The following ADD1 variants were observed in gnomAD, a reference collection of about 807,000 sequenced individuals.
ADD1 encodes alpha-adducin.
A neutral mutation model predicts 80.5 loss-of-function variants in ADD1; 24 were observed. The ratio of observed to expected loss-of-function variants is 0.30; its 90% CI spans 0.22 to 0.42. The LOEUF (loss-of-function observed/expected upper bound fraction) is 0.42. Among genes scored for constraint, ADD1 ranks in the 10% least tolerant of loss-of-function variants. ADD1 has a pLI of 1.00. For missense variants in ADD1, 948 were observed against 1,019.0 expected (o/e 0.93, Z 0.95); for synonymous variants, 373 against 393.8 (o/e 0.95, Z 0.63).
chr4:2,857,352 C>CA (rs1196816228), intron 1 of ADD1, among the ~76,000 whole-genome samples: 1 of 152,184 alleles, frequency 6.6e-6, no homozygotes, highest in African/African-American at 2.4e-5. Context: ...CCTGCAGTCT[C>CA]AGAGTCCCAG....
At chr4:2,891,123 T>TA (rs199866380) in intron 4 of ADD1, among the ~76,000 whole-genome samples, 348 of 145,520 alleles carry the variant, frequency 2.4e-3, no homozygotes, top group African/African-American at 4.0e-3. Context: ...TGTCTCTATT[T>TA]TAAAAAAAAA....
chr4:2,885,853 G>T (rs529394934), intron 4 of ADD1, among the ~76,000 whole-genome samples: 6 of 151,988 alleles, frequency 3.9e-5, no homozygotes, highest in African/African-American at 9.7e-5. Flanking sequence ...CTTGTGATCC[G>T]CCCGCCTTGG....
Position 2,881,988 on chromosome 4 carries a change from G to C in ADD1, c.286G>C (p.Asp96His). The change falls in exon 3 of 16, where the codon GAT (aspartate) becomes CAT (histidine). Residue 96 changes from aspartate (D) to histidine (H), a missense_variant. Transcript: ENST00000683351. ...TGLLALQQIA[D>H]FMTTNVPNVY... is the part of the protein sequence containing the mutation. Reference sequence around the variant, plus strand: ...CCTATTGGCATTACAGCAGATTGCAGATTTTATGACCACGAATGTACCAAA... The same window carrying C: ...CCTATTGGCATTACAGCAGATTGCACATTTTATGACCACGAATGTACCAAA... 1 of 1,613,392 alleles carries C rather than the reference G, an allele frequency of 6.2e-7. No homozygotes were observed. Among genetic ancestry groups the C allele is most frequent in the South Asian group, 1.1e-5 (1 of 90,852 alleles).
chr4:2,890,479 T>C (rs1395655050), intron 4 of ADD1, among the ~76,000 whole-genome samples: 1 of 152,194 alleles, frequency 6.6e-6, no homozygotes, highest in East Asian at 1.9e-4. Flanking sequence ...CGATCTCTGC[T>C]CACTGCAAGC....
At chr4:2,921,072 G>T (rs1377647230) in intron 14 of ADD1, among the ~76,000 whole-genome samples, 4 of 152,102 alleles carry the variant, frequency 2.6e-5, no homozygotes, top group Non-Finnish European at 5.9e-5. Context: ...CTGTAAAGGA[G>T]TTTATTTCTC....
intron 1 of ADD1, among the ~76,000 whole-genome samples, chr4:2,873,139 C>T (rs1012529876): frequency 2.8e-4 from 43 of 151,988 alleles, no homozygotes; most frequent in African/African-American, 1.0e-3. Flanking sequence ...ATTACAGGTG[C>T]GTGCCCCCAC....
At chr4:2,880,111 T>C (rs1257251482) in intron 2 of ADD1, among the ~76,000 whole-genome samples, 9 of 152,188 alleles carry the variant, frequency 5.9e-5, no homozygotes, top group African/African-American at 2.2e-4. Context: ...TTTTTTCCTT[T>C]GTTTATTTCT....
intron 14 of ADD1, among the ~76,000 whole-genome samples, chr4:2,923,181 G>A (rs1367357615): frequency 6.6e-6 from 1 of 152,160 alleles, no homozygotes; most frequent in African/African-American, 2.4e-5. Context: ...GCGCCACTGG[G>A]GTATCAGAAA....
intron 13 of ADD1, among the ~76,000 whole-genome samples, chr4:2,913,924 T>G (rs1738506303): frequency 6.6e-6 from 1 of 151,986 alleles, no homozygotes; most frequent in African/African-American, 2.4e-5. Flanking sequence ...CCGGGCGTGG[T>G]GGCGGGCGCC....
At chr4:2,892,441 C>G (rs1361517525) in intron 4 of ADD1, among the ~76,000 whole-genome samples, 2 of 151,950 alleles carry the variant, frequency 1.3e-5, no homozygotes, top group African/African-American at 4.8e-5. Flanking sequence ...TAGTGTAAAC[C>G]AAATCTGCAT....
intron 10 of ADD1, 69 bp downstream of exon 10, chr4:2,905,177 C>A: frequency 6.8e-7 from 1 of 1,476,946 alleles, no homozygotes; most frequent in African/African-American, 1.4e-5. Context: ...GCTTCGGAGG[C>A]TTTGGGAATC....
intron 15 of ADD1, among the ~76,000 whole-genome samples, chr4:2,927,756 G>A (rs755485766): frequency 6.6e-6 from 1 of 152,236 alleles, no homozygotes; most frequent in Non-Finnish European, 1.5e-5. Flanking sequence ...GAGACCAGGT[G>A]TTGTAGACCC....
intron 4 of ADD1, among the ~76,000 whole-genome samples, chr4:2,887,077 A>C (rs1733499772): frequency 6.6e-6 from 1 of 152,256 alleles, no homozygotes; most frequent in Non-Finnish European, 1.5e-5. Flanking sequence ...CAAAATTAAA[A>C]AAGTGTTTTC....
chr4:2,923,453 C>T (rs374021877), intron 14 of ADD1, among the ~76,000 whole-genome samples: 83 of 152,366 alleles, frequency 5.4e-4, no homozygotes, highest in African/African-American at 1.9e-3. Context: ...TTGGCTCGCC[C>T]TCCGTGGGCT....
intron 3 of ADD1, among the ~76,000 whole-genome samples, chr4:2,883,068 G>A (rs1732637115): frequency 6.6e-6 from 1 of 152,074 alleles, no homozygotes; most frequent in Non-Finnish European, 1.5e-5. Context: ...CGCCATGTTG[G>A]CCATGCTGGT....
chr4:2,869,247 A>G (rs1560161806), intron 1 of ADD1, among the ~76,000 whole-genome samples: 1 of 152,150 alleles, frequency 6.6e-6, no homozygotes. Flanking sequence ...GAAGTCTAAG[A>G]TCAGGGTGTG....
intron 13 of ADD1, among the ~76,000 whole-genome samples, chr4:2,913,630 G>A (rs897055319): frequency 2.0e-5 from 3 of 147,070 alleles, no homozygotes; most frequent in African/African-American, 5.0e-5. Flanking sequence ...CACTGGGTAC[G>A]CAGCATGCTA....
chr4:2,845,930 G>A (rs1358438848), intron 1 of ADD1, among the ~76,000 whole-genome samples: 1 of 152,102 alleles, frequency 6.6e-6, no homozygotes, highest in East Asian at 1.9e-4. Context: ...ATACACATAT[G>A]TAGAGAGAAT....
chr4:2,889,165 G>A lies in ADD1; in HGVS notation c.510+4499G>A, dbSNP rs574053123. On this transcript the variant is annotated intron_variant, in intron 4 of 15. Coordinates refer to ENST00000683351, the MANE Select transcript of ADD1 (RefSeq NM_001354761.2). ...TCCTTTGGGCAAAGGAAGATGCAGAGGGATCAGTAGGGCCAAATTGCATGC... is the reference window on the plus strand; with the variant it reads ...TCCTTTGGGCAAAGGAAGATGCAGAAGGATCAGTAGGGCCAAATTGCATGC... Among the ~76,000 whole-genome samples, 25 of 152,300 alleles carry A rather than the reference G, an allele frequency of 1.6e-4. No homozygotes were observed. The South Asian group carries it at 4.8e-3, about 29-fold the overall frequency.
Sources: allele counts gnomAD v4.1 joint callset (sites outside exome capture counted in the v4.1 genomes callset), GRCh38; gene constraint gnomAD v4.1.1; transcripts MANE v1.5; gene names NCBI Gene and HGNC (gene_info 2026-07-23, HGNC 2026-07-21).